The following PHACTR1 variants were observed in gnomAD, a reference collection of about 807,000 sequenced individuals.
The protein encoded by PHACTR1 is RPEL repeat containing 1.
PHACTR1 carries 16 observed loss-of-function variants against 69.2 expected under a neutral mutation model. That is an observed-to-expected ratio of 0.23 (90% CI 0.16 to 0.35). The LOEUF (loss-of-function observed/expected upper bound fraction) is 0.35, where lower values mean the gene tolerates loss of function less well. Among genes scored for constraint, PHACTR1 ranks in the 10% least tolerant of loss-of-function variants. The pLI is 1.00. For synonymous variants in PHACTR1, 312 were observed against 284.5 expected (o/e 1.10, Z -0.97); for missense variants, 510 against 734.7 (o/e 0.69, Z 3.54).
At chr6:13,106,018 A>T (rs1330559055) in intron 5 of PHACTR1, among the ~76,000 whole-genome samples, 2 of 152,214 alleles carry the variant, frequency 1.3e-5, no homozygotes, top group Non-Finnish European at 2.9e-5. Flanking sequence ...GTGCAGCATT[A>T]GTAGGTTGAT....
At chr6:13,095,551 C>G (rs932452216) in intron 5 of PHACTR1, among the ~76,000 whole-genome samples, 17 of 152,030 alleles carry the variant, frequency 1.1e-4, no homozygotes, top group African/African-American at 4.1e-4. Context: ...TTGTGGGATC[C>G]TCCCACTATC....
intron 4 of PHACTR1, among the ~76,000 whole-genome samples, chr6:12,973,766 C>G (rs989774404): frequency 1.3e-5 from 2 of 152,014 alleles, no homozygotes; most frequent in Non-Finnish European, 2.9e-5. Flanking sequence ...CTGTTCTGAC[C>G]AAAGGCACGC....
intron 4 of PHACTR1, among the ~76,000 whole-genome samples, chr6:13,002,293 A>C (rs1286628699): frequency 6.6e-6 from 1 of 152,230 alleles, no homozygotes; most frequent in African/African-American, 2.4e-5. Context: ...TATACTATAA[A>C]GCATTATATA....
intron 4 of PHACTR1, among the ~76,000 whole-genome samples, chr6:12,826,801 A>T (rs1485175142): frequency 2.0e-5 from 3 of 152,180 alleles, no homozygotes; most frequent in Non-Finnish European, 4.4e-5. Flanking sequence ...TGAAATGAAG[A>T]TCAAGCAGGG....
chr6:12,811,983 CTT>C (rs377662070), intron 4 of PHACTR1, among the ~76,000 whole-genome samples: 1 of 145,880 alleles, frequency 6.9e-6, no homozygotes, highest in African/African-American at 2.5e-5. Flanking sequence ...GCAAGAGCTA[CTT>C]TTTTTTTTTT....
At chr6:12,990,361 A>T (rs1469240552) in intron 4 of PHACTR1, among the ~76,000 whole-genome samples, 1 of 152,170 alleles carries the variant, frequency 6.6e-6, no homozygotes, top group Admixed American at 6.5e-5. Context: ...GTTGAGACTG[A>T]AGAGTACCCT....
chr6:12,769,633 C>T (rs563387482), intron 4 of PHACTR1, among the ~76,000 whole-genome samples: 6 of 152,322 alleles, frequency 3.9e-5, no homozygotes, highest in East Asian at 1.9e-4. Flanking sequence ...TTAGAACGGT[C>T]GTGGGTACAT....
chr6:12,718,781 G>A lies in PHACTR1; in HGVS notation c.37G>A (p.Glu13Lys). The change falls in exon 3 of 15, where the codon GAG becomes AAG. Residue 13 changes from glutamate to lysine, a missense_variant. Physicochemically the swap from Glu to Lys is moderately conservative, Grantham distance 56. Coordinates refer to ENST00000332995, the MANE Select transcript of PHACTR1 (RefSeq NM_030948.6). ...CAAAATGGATTATTTTCTGGATGTAGAGTCTGCTCACAGACTCTTGGATGT... is the reference window on the plus strand; with the variant it reads ...CAAAATGGATTATTTTCTGGATGTAAAGTCTGCTCACAGACTCTTGGATGT... ...YPKMDYFLDV[E>K]SAHRLLDVES... 2 of 1,571,898 alleles carry A rather than the reference G, an allele frequency of 1.3e-6. No individual in the cohort carries two copies. Among genetic ancestry groups the A allele is most frequent in the Non-Finnish European group, 1.7e-6 (2 of 1,155,980 alleles).
At chr6:12,747,805 C>T (rs1765997955) in intron 3 of PHACTR1, among the ~76,000 whole-genome samples, 3 of 151,872 alleles carry the variant, frequency 2.0e-5, no homozygotes, top group African/African-American at 7.3e-5. Context: ...AAAAATGAGC[C>T]AGATTTGTTG....
intron 7 of PHACTR1, among the ~76,000 whole-genome samples, chr6:13,195,757 C>CAA (rs869092852): frequency 0.017 from 683 of 41,290 alleles, 76 homozygotes; most frequent in African/African-American, 0.047. Context: ...GACACCGTCT[C>CAA]AAAAAAAAAA....
In PHACTR1 at chr6:13,168,603, A is replaced by G. The variant is rs560922850; in HGVS notation, c.496+8319A>G. 1.1e-4 allele frequency among the ~76,000 whole-genome samples: 16 copies of G among 152,306 alleles called. 1 individual carries two copies. The East Asian group carries it at 3.1e-3, about 29-fold the overall frequency. ...TCTGCTTGGCAGTTACAATGGAGAA[A>G]GGATAGTATTTTCAGGTGCATGTGG... is the stretch of plus-strand genomic sequence containing the variant. On this transcript the variant is annotated intron_variant, in intron 6 of 14. Coordinates refer to ENST00000332995, the MANE Select transcript of PHACTR1 (RefSeq NM_030948.6).
At chr6:12,795,705 C>G (rs1417339824) in intron 4 of PHACTR1, among the ~76,000 whole-genome samples, 4 of 150,640 alleles carry the variant, frequency 2.7e-5, no homozygotes, top group Non-Finnish European at 5.9e-5. Flanking sequence ...GTCAGTTGAT[C>G]TATATAAGGA....
chr6:13,065,173 A>C (rs145415650), intron 5 of PHACTR1, among the ~76,000 whole-genome samples: 1 of 152,256 alleles, frequency 6.6e-6, no homozygotes, highest in East Asian at 1.9e-4. Context: ...AGGTCTAAGA[A>C]ATGCAGATTG....
chr6:12,924,636 A>G (rs1335804832), intron 4 of PHACTR1, among the ~76,000 whole-genome samples: 1 of 151,950 alleles, frequency 6.6e-6, no homozygotes, highest in Non-Finnish European at 1.5e-5. Flanking sequence ...TAGCTGGGCA[A>G]GGGTGGCAGG....
At chr6:12,725,146 G>A (rs114612329) in intron 3 of PHACTR1, among the ~76,000 whole-genome samples, 1,952 of 152,136 alleles carry the variant, frequency 0.013, 20 homozygotes, top group Middle Eastern at 0.048. Context: ...TCCAAACCCC[G>A]TCTCTCCCCT....
intron 4 of PHACTR1, among the ~76,000 whole-genome samples, chr6:13,038,488 T>TAAAAA (rs34433834): frequency 3.4e-4 from 42 of 124,192 alleles, no homozygotes; most frequent in Non-Finnish European, 1.7e-4. Flanking sequence ...TTCAAGTGTT[T>TAAAAA]AAAAAAAAAA....
chr6:13,094,482 AG>A (rs372604563), intron 5 of PHACTR1, among the ~76,000 whole-genome samples: 4,273 of 151,702 alleles, frequency 0.028, 178 homozygotes, highest in African/African-American at 0.095. Flanking sequence ...TTTAGTAGAG[AG>A]GGGGGGTTTC....
intron 4 of PHACTR1, among the ~76,000 whole-genome samples, chr6:12,872,725 A>G (rs1055308188): frequency 1.3e-5 from 2 of 152,054 alleles, no homozygotes; most frequent in Non-Finnish European, 2.9e-5. Flanking sequence ...GTTTCTCATC[A>G]TTCGTGTTCA....
intron 4 of PHACTR1, among the ~76,000 whole-genome samples, chr6:12,807,999 T>C (rs2127688973): frequency 6.6e-6 from 1 of 152,344 alleles, no homozygotes; most frequent in African/African-American, 2.4e-5. Context: ...AGTCAGTAAG[T>C]GTAATCTAGA....
Sources: allele counts gnomAD v4.1 joint callset (sites outside exome capture counted in the v4.1 genomes callset), GRCh38; gene constraint gnomAD v4.1.1; transcripts MANE v1.5; gene names NCBI Gene and HGNC (gene_info 2026-07-23, HGNC 2026-07-21).